FSTL4: variants seen among roughly 807,000 people sequenced by gnomAD.
FSTL4 encodes follistatin-related protein 4.
Under a neutral mutation model 78.2 loss-of-function variants are expected in FSTL4, and 28 were observed. The ratio of observed to expected loss-of-function variants is 0.36; its 90% CI spans 0.27 to 0.49. The LOEUF (loss-of-function observed/expected upper bound fraction) is 0.49. FSTL4 is among the 20% of genes least tolerant of loss of function. FSTL4 has a pLI of 0.98. For missense variants in FSTL4, 922 were observed against 1,084.9 expected, an observed-to-expected ratio of 0.85 and a Z score of 2.11; for synonymous variants, 422 against 440.5, an observed-to-expected ratio of 0.96 and a Z score of 0.53.
chr5:133,537,893 A>G (rs964369943), intron 3 of FSTL4, among the ~76,000 whole-genome samples: 4 of 144,948 alleles, frequency 2.8e-5, no homozygotes, highest in African/African-American at 8.6e-5. Context: ...GCATACATGT[A>G]TATATTTATA....
intron 3 of FSTL4, among the ~76,000 whole-genome samples, chr5:133,474,283 A>G (rs1215076272): frequency 6.6e-6 from 1 of 151,982 alleles, no homozygotes; most frequent in Admixed American, 6.5e-5. Flanking sequence ...CACGTCCTCC[A>G]CGCATGCTGC....
At chr5:133,232,083 T>G (rs1233332522) in intron 8 of FSTL4, among the ~76,000 whole-genome samples, 1 of 152,230 alleles carries the variant, frequency 6.6e-6, no homozygotes, top group African/African-American at 2.4e-5. Flanking sequence ...GTTTTTAATT[T>G]AATGGATTAA....
the FSTL4 span, among the ~76,000 whole-genome samples, chr5:133,737,405 C>T: frequency 6.6e-6 from 1 of 152,128 alleles, no homozygotes; most frequent in Non-Finnish European, 1.5e-5. Context: ...ATTGATCTCC[C>T]ATTCCATCCA....
At chr5:133,646,577 T>C in the FSTL4 span, among the ~76,000 whole-genome samples, 2 of 152,112 alleles carry the variant, frequency 1.3e-5, no homozygotes, top group African/African-American at 4.8e-5. Flanking sequence ...GACAAGTTAG[T>C]AGACTGTCAC....
the FSTL4 span, among the ~76,000 whole-genome samples, chr5:133,760,656 G>T: frequency 6.6e-6 from 1 of 152,152 alleles, no homozygotes; most frequent in Admixed American, 6.5e-5. Context: ...CAACAAGTCA[G>T]GCAGGTGACT....
At chr5:133,284,426 A>G (rs1017938009) in intron 6 of FSTL4, among the ~76,000 whole-genome samples, 2 of 152,266 alleles carry the variant, frequency 1.3e-5, no homozygotes, top group African/African-American at 4.8e-5. Flanking sequence ...CCCTCAGGGC[A>G]GAAGTGGGAC....
chr5:133,250,879 G>C (rs940240109), intron 6 of FSTL4, among the ~76,000 whole-genome samples: 1 of 152,192 alleles, frequency 6.6e-6, no homozygotes, highest in Non-Finnish European at 1.5e-5. Context: ...CATCAGTGCT[G>C]TTGGATGGAT....
chr5:133,650,931 G>A, the FSTL4 span, among the ~76,000 whole-genome samples: 1 of 152,132 alleles, frequency 6.6e-6, no homozygotes, highest in Non-Finnish European at 1.5e-5. Context: ...TCAGAATTTT[G>A]TAGTTTTCCT....
intron 3 of FSTL4, among the ~76,000 whole-genome samples, chr5:133,555,300 T>A (rs750407307): frequency 6.6e-6 from 1 of 152,242 alleles, no homozygotes; most frequent in Non-Finnish European, 1.5e-5. Flanking sequence ...GTTTTCCCAT[T>A]GGGTCTTAAT....
rs137996337 is a variant in FSTL4 at position 133,217,822 on chromosome 5, T to C, written c.1459-444A>G. On this transcript the variant is annotated intron_variant, in intron 12 of 15. Coordinates refer to ENST00000265342, the MANE Select transcript of FSTL4 (RefSeq NM_015082.2). ...GACTCCCCACTTATTACATTAAACC[T>C]GTGTTGACTCCCTCTGTTCCCTCCC... is the stretch of plus-strand genomic sequence containing the variant. Among the ~76,000 whole-genome samples, 353 of 152,270 alleles carry C rather than the reference T, an allele frequency of 2.3e-3. No individual in the cohort carries two copies. In the Middle Eastern group the frequency reaches 0.038, roughly 16 times the overall value.
intron 7 of FSTL4, among the ~76,000 whole-genome samples, chr5:133,235,814 C>T (rs969463625): frequency 3.3e-5 from 5 of 152,152 alleles, no homozygotes; most frequent in African/African-American, 1.2e-4. Flanking sequence ...TCATAAGAGT[C>T]ATAAAAGGTT....
At chr5:133,494,944 C>T (rs188928714) in intron 3 of FSTL4, among the ~76,000 whole-genome samples, 6 of 152,168 alleles carry the variant, frequency 3.9e-5, no homozygotes, top group Middle Eastern at 6.3e-3. Flanking sequence ...CTGTAGGTTA[C>T]GTTTAGTAAA....
At chr5:133,661,887 T>C in the FSTL4 span, among the ~76,000 whole-genome samples, 1 of 152,252 alleles carries the variant, frequency 6.6e-6, no homozygotes, top group Non-Finnish European at 1.5e-5. Context: ...TTTATTAACT[T>C]GTCCTTATTC....
At chr5:133,635,228 A>G in the FSTL4 span, among the ~76,000 whole-genome samples, 5 of 152,216 alleles carry the variant, frequency 3.3e-5, no homozygotes, top group African/African-American at 4.8e-5. Context: ...AGTCATATGC[A>G]TGATGTACTC....
chr5:133,634,392 CT>C, the FSTL4 span, among the ~76,000 whole-genome samples: 7 of 112,988 alleles, frequency 6.2e-5, no homozygotes, highest in Non-Finnish European at 8.7e-5. Flanking sequence ...CTCTCTCTCT[CT>C]TTTTTTTTTT....
At chr5:133,725,578 T>C in the FSTL4 span, among the ~76,000 whole-genome samples, 1 of 152,162 alleles carries the variant, frequency 6.6e-6, no homozygotes, top group Non-Finnish European at 1.5e-5. Flanking sequence ...CCAAATCTTC[T>C]CACCTCTGGG....
At chr5:133,451,627 C>T (rs1049711555) in intron 3 of FSTL4, among the ~76,000 whole-genome samples, 2 of 152,124 alleles carry the variant, frequency 1.3e-5, no homozygotes, top group African/African-American at 4.8e-5. Flanking sequence ...ACAGCAGAAA[C>T]ACATGTGTGG....
At position 133,580,870 on chromosome 5, in the gene FSTL4, C is replaced by T. The variant is rs145927270; in HGVS notation, c.127-13651G>A. ...CTTCCATTTACTAAGCAATTACCCA[C>T]GCCAGGCTCCATGCTAAGCCCTCTC... On this transcript the variant is annotated intron_variant, in intron 2 of 15. Coordinates refer to ENST00000265342, the MANE Select transcript of FSTL4 (RefSeq NM_015082.2). Among the ~76,000 whole-genome samples, 102 of 152,298 alleles carry T rather than the reference C, an allele frequency of 6.7e-4. 2 individuals are homozygous for T. In the East Asian group the frequency reaches 0.017, roughly 25 times the overall value.
At chr5:133,357,048 C>G (rs1308123149) in intron 4 of FSTL4, among the ~76,000 whole-genome samples, 1 of 152,220 alleles carries the variant, frequency 6.6e-6, no homozygotes, top group African/African-American at 2.4e-5. Context: ...CCATTGGGCA[C>G]AAGTGTGGAG....
Sources: gnomAD v4.1 joint callset for allele counts (sites outside exome capture counted in the v4.1 genomes callset) on GRCh38, gnomAD v4.1.1 for gene constraint, MANE v1.5 for transcripts, NCBI Gene and HGNC (gene_info 2026-07-23, HGNC 2026-07-21) for gene names.